The following DIP2C variants were observed in gnomAD, a reference collection of about 807,000 sequenced individuals.
The protein encoded by DIP2C is DIP2 acetate--CoA ligase C (putative), also known as disco-interacting protein 2 homolog C.
Under a neutral mutation model 192.4 loss-of-function variants are expected in DIP2C, and 33 were observed. The observed-to-expected ratio is 0.17, with a 90% CI of 0.13 to 0.23. DIP2C has a LOEUF of 0.23. DIP2C is among the 10% of genes least tolerant of loss of function. The pLI, the probability that DIP2C is intolerant of heterozygous loss-of-function variation, is 1.00. For missense variants in DIP2C, 1,537 were observed against 2,110.1 expected, an observed-to-expected ratio of 0.73 and a Z score of 5.32; for synonymous variants, 979 against 864.1, an observed-to-expected ratio of 1.13 and a Z score of -2.33.
chr10:308,588 A>C (rs1281865293), intron 32 of DIP2C, among the ~76,000 whole-genome samples: 1 of 152,234 alleles, frequency 6.6e-6, no homozygotes, highest in East Asian at 1.9e-4. Context: ...TATGCCCAGA[A>C]ACAAGTTACC....
At chr10:367,309 C>G (rs914780205) in intron 18 of DIP2C, among the ~76,000 whole-genome samples, 1 of 151,580 alleles carries the variant, frequency 6.6e-6, no homozygotes, top group East Asian at 1.9e-4. Flanking sequence ...CCCAGCTCCT[C>G]GGGAGGCGGA....
At chr10:626,468 C>T (rs1029131162) in intron 1 of DIP2C, among the ~76,000 whole-genome samples, 7 of 151,856 alleles carry the variant, frequency 4.6e-5, no homozygotes, top group African/African-American at 7.2e-5. Flanking sequence ...AGTTACCCTC[C>T]GTCCCCCGTC....
At chr10:625,245 C>T (rs1428061482) in intron 1 of DIP2C, among the ~76,000 whole-genome samples, 1 of 152,308 alleles carries the variant, frequency 6.6e-6, no homozygotes, top group South Asian at 2.1e-4. Context: ...GCGCAGCCCT[C>T]CTCCCCCGCC....
intron 22 of DIP2C, among the ~76,000 whole-genome samples, chr10:362,123 A>T (rs1425844412): frequency 6.6e-6 from 1 of 152,114 alleles, no homozygotes; most frequent in Admixed American, 6.5e-5. Flanking sequence ...TAAGAAAAAA[A>T]TTAGAAGTAG....
At chr10:444,169 T>C (rs958681307) in intron 3 of DIP2C, among the ~76,000 whole-genome samples, 18 of 151,982 alleles carry the variant, frequency 1.2e-4, no homozygotes, top group Admixed American at 3.9e-4. Flanking sequence ...CCACTGTTCA[T>C]TCATGAGGAG....
In DIP2C at chr10:452,024, C is replaced by T. The variant is rs929635080; in HGVS notation, c.269-11028G>A. 3.9e-5 allele frequency among the ~76,000 whole-genome samples: 6 copies of T among 152,202 alleles called. No individual in the cohort carries two copies. The East Asian group carries it at 5.8e-4, about 15-fold the overall frequency. ...CACAAGGAGACCAGCACACCCAGCT[C>T]GGGGCGACTCCAGACGAGGACAGAG... is the stretch of plus-strand genomic sequence containing the variant. On this transcript the variant is annotated intron_variant, in intron 3 of 36. Transcript: ENST00000280886.
chr10:390,886 T>A (rs371183899), intron 10 of DIP2C, 23 bp from the exon 11 acceptor site: 1 of 1,611,964 alleles, frequency 6.2e-7, no homozygotes, highest in Non-Finnish European at 8.5e-7. Flanking sequence ...CAGAGAGGAG[T>A]TGAGAATCCA....
At chr10:661,623 T>G (rs1856767038) in intron 1 of DIP2C, among the ~76,000 whole-genome samples, 1 of 152,182 alleles carries the variant, frequency 6.6e-6, no homozygotes, top group Non-Finnish European at 1.5e-5. Flanking sequence ...TTCTCTGGAC[T>G]CTAAGCAGGG....
chr10:609,850 G>A (rs1055811447), intron 1 of DIP2C, among the ~76,000 whole-genome samples: 3 of 152,100 alleles, frequency 2.0e-5, no homozygotes, highest in Admixed American at 1.3e-4. Context: ...CAGTGCAGCC[G>A]GGTACCAATT....
At chr10:447,076 C>T (rs1487807057) in intron 3 of DIP2C, among the ~76,000 whole-genome samples, 1 of 152,212 alleles carries the variant, frequency 6.6e-6, no homozygotes, top group Non-Finnish European at 1.5e-5. Context: ...ACAAGGGAGC[C>T]AGCACCAGCC....
At chr10:474,797 A>G (rs1014246406) in intron 2 of DIP2C, among the ~76,000 whole-genome samples, 1 of 152,158 alleles carries the variant, frequency 6.6e-6, no homozygotes, top group Admixed American at 6.5e-5. Flanking sequence ...CATTTCCATT[A>G]TTGGTGAGAA....
intron 1 of DIP2C, among the ~76,000 whole-genome samples, chr10:624,762 G>C (rs747759419): frequency 6.6e-6 from 1 of 152,210 alleles, no homozygotes; most frequent in Non-Finnish European, 1.5e-5. Context: ...AGCCAGGGAC[G>C]CTTGGAGAGA....
intron 1 of DIP2C, among the ~76,000 whole-genome samples, chr10:658,584 T>A (rs4881500): frequency 0.83 from 127,114 of 152,290 alleles, 55,711 homozygotes; most frequent in Non-Finnish European, 0.96. Context: ...TCAAACTGCA[T>A]GTCTGCAACT....
intron 1 of DIP2C, among the ~76,000 whole-genome samples, chr10:597,161 G>A (rs1851758286): frequency 6.6e-6 from 1 of 152,196 alleles, no homozygotes; most frequent in Admixed American, 6.5e-5. Flanking sequence ...CACCTGTCTG[G>A]CTGCAGGCCA....
In DIP2C at chr10:426,149, T is replaced by C. The variant is rs867191328; in HGVS notation, c.395-3116A>G. Reference sequence around the variant, plus strand: ...GTCCATCAAAAATGTTTTGCATTACTAAAAAATGAGTTTGATGAGGTCACA... The same window carrying C: ...GTCCATCAAAAATGTTTTGCATTACCAAAAAATGAGTTTGATGAGGTCACA... On this transcript the variant is annotated intron_variant, in intron 4 of 36. Transcript: ENST00000280886. 9.2e-5 allele frequency among the ~76,000 whole-genome samples: 14 copies of C among 152,184 alleles called. 1 individual carries two copies. Among genetic ancestry groups the C allele is most frequent in the Admixed American group, 3.3e-4 (5 of 15,280 alleles).
At chr10:530,573 T>C (rs1000681184) in intron 1 of DIP2C, among the ~76,000 whole-genome samples, 1 of 149,336 alleles carries the variant, frequency 6.7e-6, no homozygotes, top group African/African-American at 2.5e-5. Flanking sequence ...AGCCCAGCAC[T>C]TTGGGAGGCT....
At chr10:607,883 G>A (rs1192243265) in intron 1 of DIP2C, among the ~76,000 whole-genome samples, 1 of 151,996 alleles carries the variant, frequency 6.6e-6, no homozygotes, top group African/African-American at 2.4e-5. Context: ...AAGGCCATTT[G>A]TGTCATTCGC....
At chr10:686,965 C>T (rs976115186) in intron 1 of DIP2C, among the ~76,000 whole-genome samples, 2 of 152,244 alleles carry the variant, frequency 1.3e-5, no homozygotes, top group Non-Finnish European at 2.9e-5. Context: ...GTGCTTAAAA[C>T]GGAACTTTTT....
chr10:302,677 A>G (rs755619519), intron 32 of DIP2C, among the ~76,000 whole-genome samples: 1 of 152,260 alleles, frequency 6.6e-6, no homozygotes, highest in African/African-American at 2.4e-5. Context: ...GGTACGGCCA[A>G]GTGCTCCCGG....
Sources: gnomAD v4.1 joint callset for allele counts (sites outside exome capture counted in the v4.1 genomes callset) on GRCh38, gnomAD v4.1.1 for gene constraint, MANE v1.5 for transcripts, NCBI Gene and HGNC (gene_info 2026-07-23, HGNC 2026-07-21) for gene names.